GPT2: variants seen among roughly 807,000 people sequenced by gnomAD.
GPT2 encodes glutamic--pyruvic transaminase 2.
A neutral mutation model predicts 56.9 loss-of-function variants in GPT2; 30 were observed. The ratio of observed to expected loss-of-function variants is 0.53; its 90% CI spans 0.39 to 0.72. GPT2 has a LOEUF of 0.72. GPT2 is among the 30% of genes least tolerant of loss of function. The probability of loss-of-function intolerance (pLI) is 0.00; values close to 1 mark genes in which losing one functional copy is unlikely to be tolerated. For missense variants in GPT2, 542 were observed against 703.4 expected (o/e 0.77, Z 2.60); for synonymous variants, 271 against 283.1 (o/e 0.96, Z 0.43).
intron 6 of GPT2, among the ~76,000 whole-genome samples, chr16:46,912,176 G>C (rs1961058770): frequency 6.6e-6 from 1 of 152,138 alleles, no homozygotes; most frequent in Non-Finnish European, 1.5e-5. Flanking sequence ...TCTTAAACCA[G>C]GACCCTTTTG....
chr16:46,926,019 A>C (rs1961399937), intron 10 of GPT2, among the ~76,000 whole-genome samples: 1 of 148,248 alleles, frequency 6.7e-6, no homozygotes, highest in Non-Finnish European at 1.5e-5. Context: ...AATCCCAGCT[A>C]CTCTGGAGGC....
At chr16:46,900,582 C>G in intron 3 of GPT2, 100 bp from the exon 4 acceptor site, 1 of 876,328 alleles carries the variant, frequency 1.1e-6, no homozygotes, top group African/African-American at 1.7e-5. Context: ...TGCGTCAGCC[C>G]CATCCCTGGG....
intron 8 of GPT2, among the ~76,000 whole-genome samples, chr16:46,921,933 C>T (rs1245239371): frequency 2.0e-5 from 3 of 152,112 alleles, no homozygotes. Flanking sequence ...GTGGCACACA[C>T]CTACAGTCCC....
intron 11 of GPT2, 96 bp downstream of exon 11, chr16:46,927,133 G>A (rs1290711651): frequency 2.8e-6 from 2 of 718,438 alleles, no homozygotes; most frequent in Non-Finnish European, 4.5e-6. Flanking sequence ...CAAAGAGAGA[G>A]GTGCGGAGAC....
chr16:46,925,610 C>A (rs1159631461), intron 10 of GPT2, among the ~76,000 whole-genome samples: 1 of 152,062 alleles, frequency 6.6e-6, no homozygotes, highest in South Asian at 2.1e-4. Flanking sequence ...GTGGGAGGAT[C>A]ATTTGAGCCC....
At chr16:46,900,646 G>C in intron 3 of GPT2, 36 bp from the exon 4 acceptor site, 1 of 1,525,324 alleles carries the variant, frequency 6.6e-7, no homozygotes, top group Non-Finnish European at 9.1e-7. Flanking sequence ...TAGGAGTGGG[G>C]GTGCTGGGAG....
chr16:46,910,470 G>A (rs987801644), intron 6 of GPT2, among the ~76,000 whole-genome samples: 2 of 151,134 alleles, frequency 1.3e-5, no homozygotes, highest in East Asian at 3.9e-4. Context: ...TGGAAGGATC[G>A]CTTGAACCCA....
chr16:46,929,994 T>C lies in GPT2; in HGVS notation c.*997T>C, dbSNP rs951558640. On this transcript the variant is annotated 3_prime_UTR_variant, in exon 12 of 12. Transcript: ENST00000340124. ...AGCCAAGGCCCTGTCCTTTCTTGAA[T>C]GGTGGCGAGCTGAATCTGGTCGGTT... 6.5e-5 allele frequency: 10 copies of C among 152,902 alleles called. No homozygotes were observed. The highest frequency in any genetic ancestry group is 2.4e-4 in the African/African-American group (10 of 41,472). The allele number at this position is 152,902 out of a possible 1,614,324, so 9.5% of individuals were successfully genotyped here. A position where few individuals can be genotyped will look rare whatever the true frequency, so the allele number is the denominator to read the frequency against.
At chr16:46,884,513 T>G in intron 1 of GPT2, 46 bp downstream of exon 1, 1 of 495,454 alleles carries the variant, frequency 2.0e-6, no homozygotes, top group Non-Finnish European at 3.1e-6. Flanking sequence ...GAAAGCCGGT[T>G]GGGTGTGCGT....
intron 8 of GPT2, among the ~76,000 whole-genome samples, chr16:46,920,448 A>AGGCCTG (rs1449291895): frequency 6.6e-6 from 1 of 152,238 alleles, no homozygotes. Context: ...ACATGGAGTG[A>AGGCCTG]GGCCTGGGCC....
intron 8 of GPT2, among the ~76,000 whole-genome samples, chr16:46,919,714 G>A (rs189134055): frequency 1.3e-5 from 2 of 152,308 alleles, no homozygotes; most frequent in East Asian, 3.9e-4. Context: ...TGGAGGGGGT[G>A]TGGCCTTGCT....
rs138211743 is a variant in GPT2 at position 46,921,401 on chromosome 16, G to T, written c.1038-841G>T. 9.7e-4 allele frequency among the ~76,000 whole-genome samples: 147 copies of T among 152,254 alleles called. No individual in the cohort carries two copies. The East Asian group carries it at 0.017, about 17-fold the overall frequency. ...TTGGCCAGGCTAGTCTTGAACTCCT[G>T]ACCTCAAGTGATCCGTCCACCTCGG... On this transcript the variant is annotated intron_variant, in intron 8 of 11. Transcript: ENST00000340124.
chr16:46,916,947 AG>A (rs1411587731), intron 7 of GPT2, among the ~76,000 whole-genome samples: 1 of 152,214 alleles, frequency 6.6e-6, no homozygotes, highest in East Asian at 1.9e-4. Context: ...AAGCTCCAAA[AG>A]AAAAAGGAAA....
chr16:46,915,330 C>G (rs1313941047), intron 6 of GPT2: 1 of 149,328 alleles, frequency 6.7e-6, no homozygotes, highest in Non-Finnish European at 1.5e-5. Flanking sequence ...ACACATACTA[C>G]AAACACTGCA....
chr16:46,912,617 A>G (rs1961067014), intron 6 of GPT2, among the ~76,000 whole-genome samples: 2 of 152,226 alleles, frequency 1.3e-5, no homozygotes, highest in Admixed American at 6.5e-5. Flanking sequence ...ATTGGTTCAC[A>G]GTTCTGCAGA....
rs1390265866 is a variant in GPT2 at position 46,907,060 on chromosome 16, G to A, written c.576+85G>A. ...CTGTTAGGGCCCAGCATTGGAATTG[G>A]CTAGCAGGGAGGGTGGCAGCACGGG... On this transcript the variant is annotated intron_variant, in intron 5 of 11. Transcript: ENST00000340124. 2.5e-5 allele frequency: 39 copies of A among 1,584,064 alleles called. 1 individual carries two copies. The East Asian group carries it at 8.6e-4, about 35-fold the overall frequency.
intron 3 of GPT2, among the ~76,000 whole-genome samples, chr16:46,898,260 C>T (rs1960722758): frequency 6.6e-6 from 1 of 152,182 alleles, no homozygotes; most frequent in Admixed American, 6.5e-5. Context: ...TGGGGCCCAG[C>T]ACAGGAGCTC....
At position 46,930,952 on chromosome 16, in the gene GPT2, C is replaced by G. The variant is rs1961532701; in HGVS notation, c.*1955C>G. ...GGTTTGGTTTTCTACAGATTCTGTT[C>G]CGGTGCCTTTCCTATCCAGGCACCA... On this transcript the variant is annotated 3_prime_UTR_variant, in exon 12 of 12. Coordinates refer to ENST00000340124, the MANE Select transcript of GPT2 (RefSeq NM_133443.4). 6.6e-6 allele frequency: 1 copy of G among 152,618 alleles called. No homozygotes were observed. The highest frequency in any genetic ancestry group is 1.5e-5 in the Non-Finnish European group (1 of 68,042). The allele number at this position is 152,618 out of a possible 1,614,324, so 9.5% of individuals were successfully genotyped here.
intron 2 of GPT2, among the ~76,000 whole-genome samples, chr16:46,890,904 G>A (rs1333740161): frequency 6.6e-6 from 1 of 152,042 alleles, no homozygotes; most frequent in Admixed American, 6.5e-5. Flanking sequence ...ATGGAGTTTC[G>A]CTCTTGTTGC....
Sources: gnomAD v4.1 joint callset for allele counts (sites outside exome capture counted in the v4.1 genomes callset) on GRCh38, gnomAD v4.1.1 for gene constraint, MANE v1.5 for transcripts, NCBI Gene and HGNC (gene_info 2026-07-23, HGNC 2026-07-21) for gene names.